Variants in RIPOR2 observed in about 807,000 individuals in gnomAD.
RIPOR2 encodes rho family-interacting cell polarization regulator 2.
In RIPOR2, 39 loss-of-function variants were observed where a neutral mutation model predicts 114.5. The ratio of observed to expected loss-of-function variants is 0.34; its 90% CI spans 0.26 to 0.44. The LOEUF (loss-of-function observed/expected upper bound fraction) is 0.44. Ranked by LOEUF, RIPOR2 falls within the 20% of genes least tolerant of loss-of-function variation. The probability of loss-of-function intolerance (pLI) is 1.00; values close to 1 mark genes in which losing one functional copy is unlikely to be tolerated. For synonymous variants in RIPOR2, 445 were observed against 484.4 expected, an observed-to-expected ratio of 0.92 and a Z score of 1.07; for missense variants, 1,007 against 1,255.1, an observed-to-expected ratio of 0.80 and a Z score of 2.99.
intron 14 of RIPOR2, chr6:24,836,160 C>T (rs551862648): frequency 1.2e-4 from 45 of 364,002 alleles, no homozygotes; most frequent in Non-Finnish European, 2.1e-4. Flanking sequence ...TGAAACATGC[C>T]CTCATTTTGA....
At chr6:24,966,160 A>G (rs1773517605) in intron 1 of RIPOR2, among the ~76,000 whole-genome samples, 1 of 152,306 alleles carries the variant, frequency 6.6e-6, no homozygotes, top group Admixed American at 6.5e-5. Flanking sequence ...GCTGTGGACC[A>G]TGCTTCCCAT....
chr6:24,903,399 A>G (rs1768664056), intron 1 of RIPOR2, among the ~76,000 whole-genome samples: 1 of 152,152 alleles, frequency 6.6e-6, no homozygotes, highest in African/African-American at 2.4e-5. Flanking sequence ...GAGTCACTTT[A>G]TTGAAAGATC....
At chr6:24,953,019 T>C (rs998611670) in intron 1 of RIPOR2, among the ~76,000 whole-genome samples, 1 of 152,100 alleles carries the variant, frequency 6.6e-6, no homozygotes, top group Non-Finnish European at 1.5e-5. Flanking sequence ...GTGGCTGTAT[T>C]TGGAGTAAGG....
chr6:25,021,670 A>C (rs1003610119), intron 1 of RIPOR2, among the ~76,000 whole-genome samples: 14 of 152,162 alleles, frequency 9.2e-5, no homozygotes, highest in African/African-American at 2.9e-4. Flanking sequence ...GGGATAAAAG[A>C]CTGCAAATTG....
chr6:24,948,525 C>T (rs1234039529), intron 1 of RIPOR2, among the ~76,000 whole-genome samples: 1 of 102,254 alleles, frequency 9.8e-6, no homozygotes, highest in Non-Finnish European at 2.4e-5. Context: ...CTATTTCTTT[C>T]TTTCTTTCTT....
chr6:24,946,840 G>A (rs1772443006), intron 1 of RIPOR2, among the ~76,000 whole-genome samples: 1 of 152,210 alleles, frequency 6.6e-6, no homozygotes, highest in African/African-American at 2.4e-5. Flanking sequence ...TGTCCTCAAA[G>A]AAGGAATAAA....
chr6:24,855,802 G>C (rs1763411767), intron 8 of RIPOR2, among the ~76,000 whole-genome samples: 1 of 152,154 alleles, frequency 6.6e-6, no homozygotes, highest in Non-Finnish European at 1.5e-5. Flanking sequence ...GGGAGGCCAA[G>C]GCAGTAGGAT....
intron 1 of RIPOR2, chr6:24,947,750 G>A (rs1772503388): frequency 2.0e-5 from 3 of 151,076 alleles, no homozygotes; most frequent in Non-Finnish European, 3.0e-5. Context: ...GGAAGGAAAA[G>A]AGTAGGGGAA....
At chr6:24,935,180 C>T (rs778827527) in intron 1 of RIPOR2, among the ~76,000 whole-genome samples, 4 of 151,724 alleles carry the variant, frequency 2.6e-5, no homozygotes, top group East Asian at 1.9e-4. Context: ...TGGTGGTGGG[C>T]GCCTGTAGTC....
chr6:24,832,321 TG>T lies in RIPOR2; in HGVS notation c.2278del (p.Gln760LysfsTer2). On this transcript the variant is annotated frameshift_variant, in exon 16 of 22. Coordinates refer to ENST00000643898, the MANE Select transcript of RIPOR2 (RefSeq NM_001286445.3). LOFTEE classifies it high-confidence loss of function. Reference protein sequence around the residue: ...SLLEKLSRQIQVMEKLAAVSD... With the variant: ...SLLEKLSRQIXVMEKLAAVSD... Reference sequence around the variant, plus strand: ...GACAGCTGCGAGTTTCTCCATCACTTGGATCTGCCTAGAAAGCTTCTCTAAG... The same window carrying T: ...GACAGCTGCGAGTTTCTCCATCACTTGATCTGCCTAGAAAGCTTCTCTAAG... 6.4e-7 allele frequency: 1 copy of T among 1,551,960 alleles called. No homozygotes were observed. Among genetic ancestry groups the T allele is most frequent in the Non-Finnish European group, 8.7e-7 (1 of 1,146,974 alleles).
intron 1 of RIPOR2, among the ~76,000 whole-genome samples, chr6:24,927,533 TATC>T (rs1221571043): frequency 2.0e-5 from 3 of 150,748 alleles, no homozygotes; most frequent in Non-Finnish European, 4.4e-5. Context: ...CTACCACCAC[TATC>T]ATCATCATGA....
At chr6:24,950,345 TC>T (rs1044469076) in intron 1 of RIPOR2, among the ~76,000 whole-genome samples, 20 of 152,188 alleles carry the variant, frequency 1.3e-4, no homozygotes, top group African/African-American at 4.8e-4. Context: ...TCTCTTTTCT[TC>T]CTCCCTCCCT....
intron 1 of RIPOR2, among the ~76,000 whole-genome samples, chr6:24,993,274 C>A (rs945266615): frequency 5.3e-5 from 8 of 152,186 alleles, no homozygotes; most frequent in African/African-American, 1.9e-4. Flanking sequence ...GTGTTGGGTG[C>A]AGATATATTT....
chr6:24,972,747 C>T (rs1773841375), intron 1 of RIPOR2, among the ~76,000 whole-genome samples: 1 of 152,172 alleles, frequency 6.6e-6, no homozygotes, highest in Non-Finnish European at 1.5e-5. Context: ...TTCCCTGTCA[C>T]TGGATGTGTG....
chr6:24,989,073 T>C (rs1197105815), intron 1 of RIPOR2, among the ~76,000 whole-genome samples: 4 of 152,164 alleles, frequency 2.6e-5, no homozygotes, highest in African/African-American at 9.7e-5. Context: ...CTTGGATTCA[T>C]TATTTATTTT....
At chr6:24,994,802 T>C (rs1475739809) in intron 1 of RIPOR2, among the ~76,000 whole-genome samples, 1 of 152,222 alleles carries the variant, frequency 6.6e-6, no homozygotes, top group Non-Finnish European at 1.5e-5. Context: ...TAATTTGGTC[T>C]ACACTTGCCC....
chr6:24,832,187 C>T, intron 16 of RIPOR2, 69 bp downstream of exon 16: 1 of 1,419,106 alleles, frequency 7.0e-7, no homozygotes, highest in Non-Finnish European at 9.7e-7. Context: ...AATGAACATG[C>T]ATAGGGAGTG....
chr6:24,875,669 G>A (rs375282047), intron 2 of RIPOR2, 22 bp downstream of exon 2: 15 of 1,605,498 alleles, frequency 9.3e-6, no homozygotes, highest in Non-Finnish European at 1.2e-5. Flanking sequence ...TGCATCCCGG[G>A]AGAGAACCAC....
chr6:24,806,445 T>C lies in RIPOR2; in HGVS notation c.3072A>G (p.Gln1024=), dbSNP rs1174608313. ...LGEDGRLAYE[Q]LDKFPRDCVK... Reference sequence around the variant, plus strand: ...CACAGTCTCGAGGAAATTTGTCCAATTGTTCATATGCCAGCCGCCCATCTT... The same window carrying C: ...CACAGTCTCGAGGAAATTTGTCCAACTGTTCATATGCCAGCCGCCCATCTT... Residue 1024 remains glutamine (Q), a synonymous_variant, in exon 22 of 22, where the codon CAA becomes CAG. Coordinates refer to ENST00000643898, the MANE Select transcript of RIPOR2 (RefSeq NM_001286445.3). 4 of 1,551,778 alleles carry C rather than the reference T, an allele frequency of 2.6e-6. No individual in the cohort carries two copies. Among genetic ancestry groups the C allele is most frequent in the East Asian group, 4.9e-5 (2 of 40,934 alleles).
Sources: gnomAD v4.1 joint callset for allele counts (sites outside exome capture counted in the v4.1 genomes callset) on GRCh38, gnomAD v4.1.1 for gene constraint, MANE v1.5 for transcripts, NCBI Gene and HGNC (gene_info 2026-07-23, HGNC 2026-07-21) for gene names.